SEMA3E: variants seen among roughly 807,000 people sequenced by gnomAD.
SEMA3E encodes semaphorin-3E.
SEMA3E carries 49 observed loss-of-function variants against 93.6 expected under a neutral mutation model. The ratio of observed to expected loss-of-function variants is 0.52; its 90% CI spans 0.42 to 0.66. The LOEUF (loss-of-function observed/expected upper bound fraction) is 0.66, where lower values mean the gene tolerates loss of function less well. Ranked by LOEUF, SEMA3E falls within the 30% of genes least tolerant of loss-of-function variation. SEMA3E has a pLI of 0.00. For synonymous variants in SEMA3E, 363 were observed against 330.7 expected, an observed-to-expected ratio of 1.10 and a Z score of -1.06; for missense variants, 906 against 964.8, an observed-to-expected ratio of 0.94 and a Z score of 0.81.
chr7:83,465,392 A>G (rs922044345), intron 4 of SEMA3E, among the ~76,000 whole-genome samples: 3 of 152,148 alleles, frequency 2.0e-5, no homozygotes, highest in Non-Finnish European at 4.4e-5. Context: ...GAAACTAATG[A>G]TAAAATCTCC....
intron 1 of SEMA3E, among the ~76,000 whole-genome samples, chr7:83,555,191 T>C (rs1163740634): frequency 6.6e-6 from 1 of 152,080 alleles, no homozygotes; most frequent in African/African-American, 2.4e-5. Context: ...AAATAAAAAT[T>C]CGCCCTGACC....
intron 1 of SEMA3E, among the ~76,000 whole-genome samples, chr7:83,570,001 A>C (rs1381292363): frequency 1.3e-5 from 2 of 152,228 alleles, no homozygotes; most frequent in East Asian, 3.9e-4. Context: ...AAATCAAAAA[A>C]TCAAAACCAT....
chr7:83,460,437 TG>T lies in SEMA3E; in HGVS notation c.456+6044del, dbSNP rs201323586. Among the ~76,000 whole-genome samples the T allele has an allele frequency of 4.2e-3, 640 of 152,126 alleles. 10 individuals carry two copies. The East Asian group carries it at 0.051, about 12-fold the overall frequency. ...CAAAACTCCGGCACGGGTCATGGAC[TG>T]GGAAGGCAGCCTTCCCTTGGTGTTT... On this transcript the variant is annotated intron_variant, in intron 4 of 16. Coordinates refer to ENST00000643230, the MANE Select transcript of SEMA3E (RefSeq NM_012431.3).
intron 1 of SEMA3E, among the ~76,000 whole-genome samples, chr7:83,581,844 A>AT (rs1486395129): frequency 6.6e-6 from 1 of 151,990 alleles, no homozygotes; most frequent in Non-Finnish European, 1.5e-5. Flanking sequence ...CAGAAGCAGA[A>AT]TTTTTTCTGC....
intron 16 of SEMA3E, among the ~76,000 whole-genome samples, chr7:83,369,900 A>G (rs1794728218): frequency 6.6e-6 from 1 of 152,136 alleles, no homozygotes; most frequent in Non-Finnish European, 1.5e-5. Flanking sequence ...GCCTCACATG[A>G]TACTGACTCT....
intron 1 of SEMA3E, among the ~76,000 whole-genome samples, chr7:83,632,713 G>A (rs1457315067): frequency 6.6e-6 from 1 of 152,134 alleles, no homozygotes; most frequent in African/African-American, 2.4e-5. Context: ...TTATGTATTT[G>A]GAGGTCCATC....
intron 1 of SEMA3E, among the ~76,000 whole-genome samples, chr7:83,501,435 G>A (rs1305057694): frequency 6.6e-6 from 1 of 152,072 alleles, no homozygotes; most frequent in Non-Finnish European, 1.5e-5. Flanking sequence ...CTAAGAAGTT[G>A]AATAGGTCTA....
At chr7:83,381,476 T>C (rs777401522) in intron 16 of SEMA3E, among the ~76,000 whole-genome samples, 3 of 152,020 alleles carry the variant, frequency 2.0e-5, no homozygotes, top group African/African-American at 4.8e-5. Context: ...GGTGACCTTC[T>C]TAGTGAGGCC....
intron 1 of SEMA3E, among the ~76,000 whole-genome samples, chr7:83,528,332 C>A (rs1470272291): frequency 6.6e-6 from 1 of 152,004 alleles, no homozygotes; most frequent in African/African-American, 2.4e-5. Flanking sequence ...TCATCTATTT[C>A]TTTGAAGTTA....
At chr7:83,446,452 G>C (rs1789232279) in intron 4 of SEMA3E, among the ~76,000 whole-genome samples, 1 of 152,218 alleles carries the variant, frequency 6.6e-6, no homozygotes, top group Non-Finnish European at 1.5e-5. Flanking sequence ...AGTTTGTGGT[G>C]ACGTTTTGTG....
At chr7:83,470,874 T>C (rs1489806205) in intron 2 of SEMA3E, among the ~76,000 whole-genome samples, 4 of 151,158 alleles carry the variant, frequency 2.6e-5, no homozygotes, top group African/African-American at 9.7e-5. Context: ...TTTTTTTTTT[T>C]TTTTGGATCT....
intron 4 of SEMA3E, among the ~76,000 whole-genome samples, chr7:83,445,305 A>G (rs552119333): frequency 6.6e-6 from 1 of 152,294 alleles, no homozygotes; most frequent in Non-Finnish European, 1.5e-5. Flanking sequence ...TTGTTTTATA[A>G]TTTTTATTTC....
intron 2 of SEMA3E, among the ~76,000 whole-genome samples, chr7:83,474,426 T>C (rs1789968128): frequency 6.6e-6 from 1 of 152,372 alleles, no homozygotes. Context: ...AGCAGTTTTT[T>C]ACTAACAATA....
chr7:83,542,654 T>A (rs1791561263), intron 1 of SEMA3E, among the ~76,000 whole-genome samples: 1 of 152,144 alleles, frequency 6.6e-6, no homozygotes, highest in Non-Finnish European at 1.5e-5. Flanking sequence ...TATTTCACCC[T>A]AGAAAGCAGA....
intron 1 of SEMA3E, among the ~76,000 whole-genome samples, chr7:83,584,716 T>C (rs561219538): frequency 6.6e-6 from 1 of 152,194 alleles, no homozygotes; most frequent in African/African-American, 2.4e-5. Context: ...AGATGTAAAC[T>C]TTAAAAAAAT....
At chr7:83,460,040 G>A (rs1435846941) in intron 4 of SEMA3E, among the ~76,000 whole-genome samples, 1 of 152,056 alleles carries the variant, frequency 6.6e-6, no homozygotes, top group African/African-American at 2.4e-5. Context: ...GACTCAGCCC[G>A]CCTGCACCCA....
At chr7:83,463,614 C>T (rs924830910) in intron 4 of SEMA3E, among the ~76,000 whole-genome samples, 1 of 152,160 alleles carries the variant, frequency 6.6e-6, no homozygotes, top group African/African-American at 2.4e-5. Flanking sequence ...TTCCTTCTTT[C>T]CTGTTCCTCA....
chr7:83,466,052 T>A (rs2115878649), intron 4 of SEMA3E, among the ~76,000 whole-genome samples: 1 of 152,274 alleles, frequency 6.6e-6, no homozygotes, highest in East Asian at 1.9e-4. Flanking sequence ...CATGAGAAAG[T>A]AATTACAGAA....
chr7:83,544,504 A>C (rs891935774), intron 1 of SEMA3E, among the ~76,000 whole-genome samples: 1 of 152,276 alleles, frequency 6.6e-6, no homozygotes, highest in Non-Finnish European at 1.5e-5. Context: ...ATTGTGTTCC[A>C]AAATCCCGGT....
Sources: gnomAD v4.1 joint callset for allele counts (sites outside exome capture counted in the v4.1 genomes callset) on GRCh38, gnomAD v4.1.1 for gene constraint, MANE v1.5 for transcripts, NCBI Gene and HGNC (gene_info 2026-07-23, HGNC 2026-07-21) for gene names.